PRKCG: variants seen among roughly 807,000 people sequenced by gnomAD.
PRKCG encodes the protein protein kinase C gamma, also known as protein kinase C gamma type.
In PRKCG, 28 loss-of-function variants were observed where a neutral mutation model predicts 82.0. The observed-to-expected ratio is 0.34, with a 90% confidence interval of 0.25 to 0.47. The LOEUF is 0.47. Ranked by LOEUF, PRKCG falls within the 20% of genes least tolerant of loss-of-function variation. PRKCG has a pLI of 1.00. For synonymous variants in PRKCG, 383 were observed against 376.6 expected (o/e 1.02, Z -0.20); for missense variants, 640 against 952.7 (o/e 0.67, Z 4.32).
chr19:53,903,272 G>C (rs2068778642), intron 15 of PRKCG, 119 bp downstream of exon 15: 3 of 822,234 alleles, frequency 3.6e-6, no homozygotes, highest in Non-Finnish European at 6.5e-6. Context: ...CGCTGTCCAT[G>C]GTTCTGAAGT....
At chr19:53,887,597 G>A (rs1425386825) in intron 3 of PRKCG, among the ~76,000 whole-genome samples, 2 of 148,158 alleles carry the variant, frequency 1.3e-5, no homozygotes, top group Admixed American at 6.8e-5. Context: ...TTGGGAGGCT[G>A]AGGCAAGCGG....
intron 5 of PRKCG, among the ~76,000 whole-genome samples, chr19:53,890,783 G>T (rs1205556399): frequency 7.2e-6 from 1 of 138,852 alleles, no homozygotes; most frequent in Admixed American, 7.8e-5. Flanking sequence ...ACAAGATCTC[G>T]CTCTGTTGCC....
At chr19:53,896,105 T>A (rs572491127) in intron 9 of PRKCG, among the ~76,000 whole-genome samples, 1 of 147,898 alleles carries the variant, frequency 6.8e-6, no homozygotes, top group African/African-American at 2.5e-5. Context: ...GAGACAAGGG[T>A]ACCAGCGGGA....
chr19:53,899,698 C>G (rs1209721826), intron 11 of PRKCG, among the ~76,000 whole-genome samples: 1 of 152,054 alleles, frequency 6.6e-6, no homozygotes, highest in Admixed American at 6.6e-5. Flanking sequence ...GCAATTCTCC[C>G]GTCTCAGCCT....
intron 11 of PRKCG, among the ~76,000 whole-genome samples, 153 bp downstream of exon 11, chr19:53,898,781 C>CGG (rs1568759053): frequency 1.7e-3 from 11 of 6,544 alleles, no homozygotes; most frequent in African/African-American, 6.2e-3. Context: ...GGGGGCGTGG[C>CGG]CGGGGGGGGG....
rs1456898625 is a variant in PRKCG, at chr19:53,893,134, G to A, written c.909+59G>A. 21 of 1,527,542 alleles carry A rather than the reference G, an allele frequency of 1.4e-5. No homozygotes were observed. The East Asian group carries it at 4.6e-4, about 33-fold the overall frequency. The allele number at this position is 1,527,542 out of a possible 1,614,324, so 94.6% of individuals were successfully genotyped here. ...GCCCAGCCTCCCACGGTTCAGAGCT[G>A]GCCTTTCCTTCCACCCCTGAGTGCC... On this transcript the variant is annotated intron_variant, in intron 8 of 17. Coordinates refer to ENST00000263431, the MANE Select transcript of PRKCG (RefSeq NM_002739.5).
chr19:53,885,258 G>T (rs1011492098), intron 3 of PRKCG, among the ~76,000 whole-genome samples: 21 of 151,760 alleles, frequency 1.4e-4, no homozygotes, highest in African/African-American at 4.6e-4. Context: ...AGACGGAGTC[G>T]CGCTCTGTTG....
chr19:53,898,411 G>A, intron 10 of PRKCG, 29 bp from the exon 11 acceptor site: 1 of 1,613,768 alleles, frequency 6.2e-7, no homozygotes, highest in Non-Finnish European at 8.5e-7. Flanking sequence ...TCCCAACATG[G>A]ACTGGCCCTT....
In PRKCG at chr19:53,883,268, G is replaced by A; in HGVS notation, c.202+74G>A. 6.4e-7 allele frequency: 1 copy of A among 1,562,512 alleles called. No individual in the cohort carries two copies. Among genetic ancestry groups the A allele is most frequent in the Admixed American group, 1.7e-5 (1 of 59,868 alleles). ...TGGGGCCCCACAGCTGAGGCTGCTT[G>A]ACACACGTGTTCTCTGGTCCCCAGA... On this transcript the variant is annotated intron_variant, in intron 2 of 17. Coordinates refer to ENST00000263431, the MANE Select transcript of PRKCG (RefSeq NM_002739.5). The surrounding 1 kb of genome is among the most constrained non-coding windows in gnomAD (Gnocchi z 5.4).
Position 53,882,295 on chromosome 19 carries a change from C to A in PRKCG, c.-200C>A. Reference sequence around the variant, plus strand: ...TTGGCTCTTCCTCCCCACTCGCCCGCTCCCCCTGGCGGAGCCGGCGCGCCC... The same window carrying A: ...TTGGCTCTTCCTCCCCACTCGCCCGATCCCCCTGGCGGAGCCGGCGCGCCC... On this transcript the variant is annotated 5_prime_UTR_variant, in exon 1 of 18. Coordinates refer to ENST00000263431, the MANE Select transcript of PRKCG (RefSeq NM_002739.5). The surrounding 1 kb of genome is among the most constrained non-coding windows in gnomAD (Gnocchi z 6.1). 1.4e-6 allele frequency: 1 copy of A among 727,790 alleles called. No homozygotes were observed. The highest frequency in any genetic ancestry group is 2.2e-6 in the Non-Finnish European group (1 of 445,756). The allele number at this position is 727,790 out of a possible 1,614,324, so 45.1% of individuals were successfully genotyped here.
Position 53,892,624 on chromosome 19 carries a change from A to C in PRKCG, c.802A>C (p.Lys268Gln), listed in dbSNP as rs1387921740. Residue 268 changes from lysine to glutamine, a missense_variant, in exon 7 of 18, where the codon AAG becomes CAG. This residue lies in a region of PRKCG where 261 missense variants were observed against 312.1 expected (regional missense o/e 0.84). Transcript: ENST00000263431. The surrounding 1 kb of genome is among the most constrained non-coding windows in gnomAD (Gnocchi z 5.9). Reference protein sequence around the residue: ...AMSFGVSELLKAPVDGWYKLL... With the variant: ...AMSFGVSELLQAPVDGWYKLL... ...GTCCTTTGGCGTCTCGGAGCTGCTC[A>C]AGGCGCCCGTGGATGGCTGGTGAGG... The C allele has an allele frequency of 1.2e-6, 2 of 1,612,480 alleles. No homozygotes were observed. The highest frequency in any genetic ancestry group is 8.5e-7 in the Non-Finnish European group (1 of 1,179,830).
rs1201671245 is a variant in PRKCG, at chr19:53,892,752, G to GCGCACACACACACA, written c.821+110_821+111insGCACACACACACAC. On this transcript the variant is annotated intron_variant, in intron 7 of 17. Transcript: ENST00000263431. This position sits in a 1 kb window ranked among gnomAD's most constrained non-coding sequence, Gnocchi z 5.9. The stretch of plus-strand genomic sequence containing the variant: ...TCCTTCCCTCTGCCTCCCAGCATGC[G>GCGCACACACACACA]CACACACACACACACACACACACAC... The GCGCACACACACACA allele has an allele frequency of 1.1e-4, 122 of 1,097,914 alleles. No homozygotes were observed. The African/African-American group carries it at 1.4e-3, about 12-fold the overall frequency. The allele number at this position is 1,097,914 out of a possible 1,614,324, so 68.0% of individuals were successfully genotyped here.
chr19:53,900,703 C>A lies in PRKCG; in HGVS notation c.1529C>A (p.Thr510Lys), dbSNP rs749199519. ...TGTAAGGAGAACGTCTTCCCCGGGA[C>A]GACAACCCGCACCTTCTGCGGGACC... ...GMCKENVFPG[T>K]TTRTFCGTPD... Residue 510 changes from threonine to lysine, a missense_variant, in exon 14 of 18, where the codon ACG (threonine) becomes AAG (lysine). This residue lies in a region of PRKCG where 198 missense variants were observed against 273.4 expected (regional missense o/e 0.72). Transcript: ENST00000263431. The surrounding 1 kb of genome is among the most constrained non-coding windows in gnomAD (Gnocchi z 4.2). 5.1e-5 allele frequency: 82 copies of A among 1,614,112 alleles called. No individual in the cohort carries two copies. The highest frequency in any genetic ancestry group is 6.3e-5 in the Non-Finnish European group (74 of 1,180,064).
At chr19:53,893,499 C>A in intron 9 of PRKCG, 108 bp downstream of exon 9, 9 of 1,220,414 alleles carry the variant, frequency 7.4e-6, no homozygotes, top group African/African-American at 1.5e-5. Flanking sequence ...GTTGAGCACA[C>A]ATTTGTGCTA....
intron 3 of PRKCG, among the ~76,000 whole-genome samples, chr19:53,888,730 A>G (rs1159254289): frequency 6.6e-6 from 1 of 152,060 alleles, no homozygotes; most frequent in African/African-American, 2.4e-5. Context: ...CATGTTCTCC[A>G]TTCCACCTGG....
chr19:53,882,339 T>A lies in PRKCG; in HGVS notation c.-156T>A, dbSNP rs994248167. On this transcript the variant is annotated 5_prime_UTR_variant, in exon 1 of 18. Transcript: ENST00000263431. The surrounding 1 kb of genome is among the most constrained non-coding windows in gnomAD (Gnocchi z 6.1). ...CGCGCCCGGGGTGCCGCTCCCTGCC[T>A]GGCGCGCTCCGCACCTGGAGGTGCC... 8.8e-7 allele frequency: 1 copy of A among 1,142,682 alleles called. No homozygotes were observed. Among genetic ancestry groups the A allele is most frequent in the African/African-American group, 1.6e-5 (1 of 61,242 alleles). The allele number at this position is 1,142,682 out of a possible 1,614,324, so 70.8% of individuals were successfully genotyped here.
Position 53,893,027 on chromosome 19 carries a change from T to C in PRKCG, c.861T>C (p.Asn287=), listed in dbSNP as rs367543212. The C allele has an allele frequency of 3.7e-6, 6 of 1,614,120 alleles. No individual in the cohort carries two copies. In the African/African-American group the frequency reaches 6.7e-5, roughly 18 times the overall value. ...LLNQEEGEYY[N]VPVADADNCS... is the part of the protein sequence containing the mutation. ...ACCAGGAGGAGGGCGAGTATTACAA[T>C]GTGCCGGTGGCCGATGCTGACAACT... Residue 287 remains asparagine (N), a synonymous_variant, in exon 8 of 18, where the codon AAT becomes AAC. Coordinates refer to ENST00000263431, the MANE Select transcript of PRKCG (RefSeq NM_002739.5).
Position 53,895,487 on chromosome 19 carries a change from C to CAA in PRKCG, c.939+2116_939+2117dup, listed in dbSNP as rs760577483. 5.0e-3 allele frequency among the ~76,000 whole-genome samples: 310 copies of CAA among 62,624 alleles called. 3 individuals are homozygous for CAA. Among genetic ancestry groups the CAA allele is most frequent in the Middle Eastern group, 0.018 (2 of 110 alleles). The allele number at this position is 62,624 out of a possible 152,430, so 41.1% of individuals were successfully genotyped here. A position where few individuals can be genotyped will look rare whatever the true frequency, so the allele number is the denominator to read the frequency against. ...TGGATGACAGAGGGAGACTCTGTCT[C>CAA]AAAAAAAAAAAAAAAAAAAAAGAAG... On this transcript the variant is annotated intron_variant, in intron 9 of 17. Transcript: ENST00000263431.
chr19:53,897,744 A>G (rs2068727909), intron 9 of PRKCG, among the ~76,000 whole-genome samples: 1 of 152,128 alleles, frequency 6.6e-6, no homozygotes, highest in Admixed American at 6.5e-5. Flanking sequence ...AAAAGAAGAA[A>G]AAAAGAGCTA....
Sources: gnomAD v4.1 joint callset for allele counts (sites outside exome capture counted in the v4.1 genomes callset) on GRCh38, gnomAD v4.1.1 for gene constraint, gnomAD v4.1.1 regional missense constraint, Gnocchi (gnomAD v3.1) non-coding constraint, MANE v1.5 for transcripts, NCBI Gene and HGNC (gene_info 2026-07-23, HGNC 2026-07-21) for gene names.